FHIP1A: variants seen among roughly 807,000 people sequenced by gnomAD.
The protein encoded by FHIP1A is FHF complex subunit HOOK interacting protein 1A.
Under a neutral mutation model 88.6 loss-of-function variants are expected in FHIP1A, and 61 were observed. The ratio of observed to expected loss-of-function variants is 0.69; its 90% CI spans 0.56 to 0.85. The LOEUF (loss-of-function observed/expected upper bound fraction) is 0.85. FHIP1A is among the 40% of genes least tolerant of loss of function. FHIP1A has a pLI of 0.00. For synonymous variants in FHIP1A, 478 were observed against 496.0 expected, an observed-to-expected ratio of 0.96 and a Z score of 0.48; for missense variants, 1,154 against 1,273.5, an observed-to-expected ratio of 0.91 and a Z score of 1.43.
intron 8 of FHIP1A, among the ~76,000 whole-genome samples, chr4:151,633,734 GCGCTTGA>G (rs1736242549): frequency 6.6e-6 from 1 of 151,830 alleles, no homozygotes; most frequent in African/African-American, 2.4e-5. Context: ...TACAGAAAAG[GCGCTTGA>G]CAAATTCCAC....
At chr4:151,653,778 T>C (rs2126919210) in intron 11 of FHIP1A, among the ~76,000 whole-genome samples, 1 of 152,174 alleles carries the variant, frequency 6.6e-6, no homozygotes, top group East Asian at 1.9e-4. Flanking sequence ...AGGCACGGAA[T>C]CAATGGCCGC....
At chr4:151,546,253 G>A (rs1732498280) in intron 3 of FHIP1A, among the ~76,000 whole-genome samples, 1 of 152,174 alleles carries the variant, frequency 6.6e-6, no homozygotes, top group South Asian at 2.1e-4. Flanking sequence ...ATTTATACCA[G>A]CAGCCCCCAC....
intron 3 of FHIP1A, among the ~76,000 whole-genome samples, chr4:151,564,592 G>T (rs930240317): frequency 2.6e-5 from 4 of 152,136 alleles, no homozygotes; most frequent in Non-Finnish European, 4.4e-5. Flanking sequence ...AAAGGACTAT[G>T]GTTGCCACTG....
chr4:151,436,129 CT>C (rs1383365643), intron 1 of FHIP1A, among the ~76,000 whole-genome samples: 2 of 152,170 alleles, frequency 1.3e-5, no homozygotes, highest in African/African-American at 4.8e-5. Context: ...TCTCTGGAAG[CT>C]GCAGGTATGG....
At chr4:151,476,787 C>CT (rs775941978) in intron 2 of FHIP1A, among the ~76,000 whole-genome samples, 48 of 152,232 alleles carry the variant, frequency 3.2e-4, no homozygotes, top group Non-Finnish European at 5.7e-4. Flanking sequence ...ATATGATAAT[C>CT]TATAAATGTG....
intron 3 of FHIP1A, among the ~76,000 whole-genome samples, chr4:151,551,968 T>A (rs1389862324): frequency 6.6e-6 from 1 of 151,842 alleles, no homozygotes; most frequent in Non-Finnish European, 1.5e-5. Context: ...TACAAAGAAC[T>A]CAAACAAATT....
chr4:151,556,300 A>G (rs1732945835), intron 3 of FHIP1A, among the ~76,000 whole-genome samples: 1 of 152,092 alleles, frequency 6.6e-6, no homozygotes, highest in African/African-American at 2.4e-5. Flanking sequence ...AAATGCTTGT[A>G]TTTGTTTGGT....
chr4:151,662,505 C>T lies in FHIP1A; in HGVS notation c.2874C>T (p.Pro958=), dbSNP rs1442497753. ...DMTPAALTKD[P]IQEASRTGSG... is the part of the protein sequence containing the mutation. The stretch of plus-strand genomic sequence containing the variant: ...TGGTTTTCTTTCTGCTTTCAGATCC[C>T]ATTCAGGAGGCTTCCAGGACAGGAA... The change falls in exon 14 of 14, where the codon CCC becomes CCT. Residue 958 remains proline (P), a synonymous_variant. Transcript: ENST00000435205. The T allele has an allele frequency of 1.3e-6, 2 of 1,526,424 alleles. No individual in the cohort carries two copies. Among genetic ancestry groups the T allele is most frequent in the African/African-American group, 2.8e-5 (2 of 72,150 alleles). 94.6% of individuals were successfully genotyped at this position (1,526,424 alleles called of 1,614,324 possible).
chr4:151,549,041 T>A (rs557681369), intron 3 of FHIP1A, among the ~76,000 whole-genome samples: 83 of 152,252 alleles, frequency 5.5e-4, no homozygotes, highest in African/African-American at 1.7e-3. Flanking sequence ...GGGGTTGGAC[T>A]GCACAGTCTA....
At chr4:151,475,890 T>A (rs1310243225) in intron 2 of FHIP1A, among the ~76,000 whole-genome samples, 7 of 147,340 alleles carry the variant, frequency 4.8e-5, no homozygotes, top group Non-Finnish European at 1.5e-5. Flanking sequence ...TGAGACAGAG[T>A]CTCCCTTTAT....
intron 13 of FHIP1A, among the ~76,000 whole-genome samples, chr4:151,658,849 C>A (rs1737347855): frequency 6.6e-6 from 1 of 152,094 alleles, no homozygotes; most frequent in Non-Finnish European, 1.5e-5. Context: ...TTAAGGAAGC[C>A]AAAATTAGAG....
At chr4:151,494,386 A>AT (rs1402568255) in intron 3 of FHIP1A, among the ~76,000 whole-genome samples, 1 of 152,226 alleles carries the variant, frequency 6.6e-6, no homozygotes, top group Non-Finnish European at 1.5e-5. Context: ...AATCTTCTGT[A>AT]TATGGCTAGC....
intron 3 of FHIP1A, among the ~76,000 whole-genome samples, chr4:151,558,811 A>C (rs1733059684): frequency 6.6e-6 from 1 of 152,230 alleles, no homozygotes; most frequent in African/African-American, 2.4e-5. Flanking sequence ...CTAGACTGAC[A>C]AAAACTTTGG....
chr4:151,527,350 C>T (rs1183465178), intron 3 of FHIP1A, among the ~76,000 whole-genome samples: 1 of 152,242 alleles, frequency 6.6e-6, no homozygotes, highest in Non-Finnish European at 1.5e-5. Context: ...AGCGAAACCC[C>T]GTCTCCACCA....
intron 7 of FHIP1A, among the ~76,000 whole-genome samples, chr4:151,600,089 A>G (rs566600897): frequency 1.3e-5 from 2 of 152,314 alleles, no homozygotes; most frequent in Admixed American, 1.3e-4. Flanking sequence ...TTGTATCATC[A>G]CTGCATCTTG....
rs60777689 is a variant in FHIP1A at position 151,411,349 on chromosome 4, A to ATTTTTTTT, written c.-356+1890_-356+1897dup. On this transcript the variant is annotated intron_variant, in intron 1 of 13. Transcript: ENST00000435205. ...CTCTGAGGAGTGAAATTATATATATATTTTTTTTTTTTTAAAGTTAGGGTC... is the reference window on the plus strand; with the variant it reads ...CTCTGAGGAGTGAAATTATATATATATTTTTTTTTTTTTTTTTTTTTAAAGTTAGGGTC... Among the ~76,000 whole-genome samples, 6 of 136,790 alleles carry ATTTTTTTT rather than the reference A, an allele frequency of 4.4e-5. No homozygotes were observed. In the South Asian group the frequency reaches 1.1e-3, roughly 25 times the overall value. 89.7% of individuals were successfully genotyped at this position (136,790 alleles called of 152,430 possible).
intron 3 of FHIP1A, among the ~76,000 whole-genome samples, chr4:151,545,860 A>C (rs1472734436): frequency 6.6e-6 from 1 of 152,190 alleles, no homozygotes; most frequent in Non-Finnish European, 1.5e-5. Context: ...TGAATGCCTG[A>C]ATGCTGTTAT....
chr4:151,612,082 C>G (rs1162470636), intron 7 of FHIP1A, among the ~76,000 whole-genome samples: 1 of 152,046 alleles, frequency 6.6e-6, no homozygotes, highest in Non-Finnish European at 1.5e-5. Context: ...CATTGAGGAC[C>G]AGAGAGGTTA....
intron 1 of FHIP1A, among the ~76,000 whole-genome samples, chr4:151,427,290 T>C (rs1733418287): frequency 6.6e-6 from 1 of 152,162 alleles, no homozygotes; most frequent in Non-Finnish European, 1.5e-5. Context: ...TCATCAGTGA[T>C]TTTTATATTG....
Sources: gnomAD v4.1 joint callset for allele counts (sites outside exome capture counted in the v4.1 genomes callset) on GRCh38, gnomAD v4.1.1 for gene constraint, MANE v1.5 for transcripts, NCBI Gene and HGNC (gene_info 2026-07-23, HGNC 2026-07-21) for gene names.